Variants in LRRC37A2 observed in about 807,000 individuals in gnomAD.
LRRC37A2 encodes the protein leucine rich repeat containing 37 member A2, also known as leucine-rich repeat-containing protein 37A2.
LRRC37A2 carries 9 observed loss-of-function variants against 68.8 expected under a neutral mutation model. That is an observed-to-expected ratio of 0.13 (90% CI 0.08 to 0.23). The LOEUF (loss-of-function observed/expected upper bound fraction) is 0.23. Ranked by LOEUF, LRRC37A2 falls within the 10% of genes least tolerant of loss-of-function variation. LRRC37A2 has a pLI of 1.00. For missense variants in LRRC37A2, 168 were observed against 950.4 expected (o/e 0.18, Z 10.82); for synonymous variants, 63 against 367.6 (o/e 0.17, Z 9.48).
chr17:46,910,698 T>TC, the LRRC37A2 span, among the ~76,000 whole-genome samples: 1 of 152,056 alleles, frequency 6.6e-6, no homozygotes, highest in East Asian at 1.9e-4. Context: ...GGCTGAGTGG[T>TC]CGGGAAGGCT....
At chr17:46,940,008 G>A in the LRRC37A2 span, 8 of 1,010,378 alleles carry the variant, frequency 7.9e-6, no homozygotes, top group Non-Finnish European at 9.5e-6. Flanking sequence ...CTGGAAACCG[G>A]CTCAGTATTA....
the LRRC37A2 span, among the ~76,000 whole-genome samples, chr17:46,804,258 T>C: frequency 6.6e-6 from 1 of 152,002 alleles, no homozygotes; most frequent in Non-Finnish European, 1.5e-5. Flanking sequence ...CGGCTAATTT[T>C]TGTATTTTTA....
chr17:46,859,785 G>T, the LRRC37A2 span, among the ~76,000 whole-genome samples: 3 of 152,140 alleles, frequency 2.0e-5, no homozygotes, highest in African/African-American at 4.8e-5. Flanking sequence ...GTTCATGGAA[G>T]ATTGACGTTC....
chr17:46,714,065 T>G, the LRRC37A2 span: 1 of 1,413,648 alleles, frequency 7.1e-7, no homozygotes, highest in Non-Finnish European at 9.4e-7. Flanking sequence ...CCTTTGTACA[T>G]GTATACATAT....
At chr17:47,013,602 T>G in the LRRC37A2 span, among the ~76,000 whole-genome samples, 1 of 152,234 alleles carries the variant, frequency 6.6e-6, no homozygotes, top group Non-Finnish European at 1.5e-5. Context: ...CTGGCCATTA[T>G]TTCATTTAAT....
the LRRC37A2 span, among the ~76,000 whole-genome samples, chr17:46,874,615 T>A: frequency 6.6e-6 from 1 of 152,186 alleles, no homozygotes; most frequent in Admixed American, 6.5e-5. Context: ...TCTCCCTCTG[T>A]CACCCAGGCT....
At chr17:46,847,806 C>G in the LRRC37A2 span, among the ~76,000 whole-genome samples, 1 of 152,196 alleles carries the variant, frequency 6.6e-6, no homozygotes, top group Non-Finnish European at 1.5e-5. Context: ...AGATATGGAG[C>G]CAACCAAAGG....
the LRRC37A2 span, among the ~76,000 whole-genome samples, chr17:46,398,459 A>G: frequency 1.4e-5 from 2 of 147,508 alleles, no homozygotes; most frequent in Non-Finnish European, 3.0e-5. Context: ...TAAAGAGTTC[A>G]GAATTGTAAA....
chr17:46,551,259 C>T (rs1478537315), intron 11 of LRRC37A2, among the ~76,000 whole-genome samples: 2 of 149,464 alleles, frequency 1.3e-5, no homozygotes, highest in Non-Finnish European at 2.9e-5. Flanking sequence ...GTGCCCATTC[C>T]TGGAGCTTGC....
At chr17:46,802,193 C>T in the LRRC37A2 span, among the ~76,000 whole-genome samples, 1 of 152,188 alleles carries the variant, frequency 6.6e-6, no homozygotes, top group Non-Finnish European at 1.5e-5. Flanking sequence ...GAGCTGGCAG[C>T]CCCTAGGCAG....
At chr17:46,976,173 G>C in the LRRC37A2 span, among the ~76,000 whole-genome samples, 36 of 151,576 alleles carry the variant, frequency 2.4e-4, 1 homozygote, top group African/African-American at 8.7e-4. Context: ...TGATCTGCCC[G>C]CCTCGGCCTC....
rs760255240 is a variant in LRRC37A2, at chr17:46,550,402, T to G, written c.4705-13T>G. The G allele has an allele frequency of 1.9e-4, 71 of 370,626 alleles. 3 individuals are homozygous for G. Among genetic ancestry groups the G allele is most frequent in the Non-Finnish European group, 2.4e-4 (58 of 237,678 alleles). 23.0% of individuals were successfully genotyped at this position (370,626 alleles called of 1,614,324 possible). ...CTCATTCTGGTTTTTTTTTTGTGTG[T>G]TTTTTTTTTTAGCTCAAAAAAGAAG... On this transcript the variant is annotated splice_polypyrimidine_tract_variant and intron_variant, in intron 10 of 14. Transcript: ENST00000576629.
the LRRC37A2 span, chr17:46,978,831 C>T: frequency 2.5e-6 from 4 of 1,606,242 alleles, no homozygotes; most frequent in East Asian, 2.3e-5. Context: ...ACAGGCTGCG[C>T]TCGTCGGGCG....
At chr17:46,782,971 G>A in the LRRC37A2 span, among the ~76,000 whole-genome samples, 1 of 152,218 alleles carries the variant, frequency 6.6e-6, no homozygotes, top group Non-Finnish European at 1.5e-5. Flanking sequence ...GTGTCCTGTG[G>A]CTGTGGGAGA....
At chr17:46,923,087 A>G in the LRRC37A2 span, 1 of 790,192 alleles carries the variant, frequency 1.3e-6, no homozygotes, top group African/African-American at 1.7e-5. Context: ...CCTGGCCGGC[A>G]GGGGAGGGAG....
chr17:46,722,302 C>T, the LRRC37A2 span: 1 of 750,224 alleles, frequency 1.3e-6, no homozygotes, highest in Non-Finnish European at 2.3e-6. Context: ...CTTCTTACCT[C>T]CAGCCTCAGT....
chr17:46,906,443 A>T, the LRRC37A2 span, among the ~76,000 whole-genome samples: 34 of 152,344 alleles, frequency 2.2e-4, no homozygotes, highest in East Asian at 4.4e-3. Context: ...TTTAAGAGAC[A>T]TGATCTTGCT....
At chr17:47,035,289 A>C in the LRRC37A2 span, among the ~76,000 whole-genome samples, 14 of 152,302 alleles carry the variant, frequency 9.2e-5, no homozygotes, top group East Asian at 1.9e-4. Flanking sequence ...ATCATCCCCC[A>C]AAAAAACATG....
the LRRC37A2 span, among the ~76,000 whole-genome samples, chr17:46,996,678 C>T: frequency 5.1e-4 from 78 of 152,366 alleles, no homozygotes; most frequent in East Asian, 0.014. Context: ...CAGGGTCTCA[C>T]TCTGTTGCCC....
Sources: allele counts gnomAD v4.1 joint callset (sites outside exome capture counted in the v4.1 genomes callset), GRCh38; gene constraint gnomAD v4.1.1; transcripts MANE v1.5; gene names NCBI Gene and HGNC (gene_info 2026-07-23, HGNC 2026-07-21).